The following SMARCAL1 variants were observed in gnomAD, a reference collection of about 807,000 sequenced individuals.
SMARCAL1 encodes the protein SNF2 related chromatin remodeling annealing helicase 1, also known as ATP-driven annealing helicase.
A neutral mutation model predicts 94.5 loss-of-function variants in SMARCAL1; 58 were observed. That is an observed-to-expected ratio of 0.61 (90% CI 0.50 to 0.76). The LOEUF is 0.76. Ranked by LOEUF, SMARCAL1 falls within the 30% of genes least tolerant of loss-of-function variation. The probability of loss-of-function intolerance (pLI) is 0.00; values close to 1 mark genes in which losing one functional copy is unlikely to be tolerated. For missense variants in SMARCAL1, 1,051 were observed against 1,177.9 expected (o/e 0.89, Z 1.58); for synonymous variants, 422 against 455.1 (o/e 0.93, Z 0.93).
At position 216,415,521 on chromosome 2, in the gene SMARCAL1, G is replaced by C; in HGVS notation, c.811+6G>C. ...CCTGCCCAGCAAGAATTATGGTAAT[G>C]TCTTCATTTTTCAGCTGTTTTTTTT... On this transcript the variant is annotated splice_donor_region_variant and intron_variant, in intron 3 of 17. Transcript: ENST00000357276. 1 of 1,563,718 alleles carries C rather than the reference G, an allele frequency of 6.4e-7. No homozygotes were observed. Among genetic ancestry groups the C allele is most frequent in the South Asian group, 1.1e-5 (1 of 88,426 alleles).
At position 216,414,008 on chromosome 2, in the gene SMARCAL1, A is replaced by G. The variant is rs565612556; in HGVS notation, c.-59+116A>G. The G allele has an allele frequency of 2.0e-5, 3 of 152,340 alleles. No homozygotes were observed. In the South Asian group the frequency reaches 6.2e-4, roughly 32 times the overall value. The allele number at this position is 152,340 out of a possible 1,614,324, so 9.4% of individuals were successfully genotyped here. A position where few individuals can be genotyped will look rare whatever the true frequency, so the allele number is the denominator to read the frequency against. ...CAATGCATAACTTTCTTAGGTTCTGATAACTCACCTTGGCTGGGCCATGTG... is the reference window on the plus strand; with the variant it reads ...CAATGCATAACTTTCTTAGGTTCTGGTAACTCACCTTGGCTGGGCCATGTG... On this transcript the variant is annotated intron_variant, in intron 2 of 17. Coordinates refer to ENST00000357276, the MANE Select transcript of SMARCAL1 (RefSeq NM_014140.4).
chr2:216,450,700 G>T, intron 11 of SMARCAL1, 146 bp from the exon 12 acceptor site: 4 of 632,698 alleles, frequency 6.3e-6, no homozygotes, highest in South Asian at 1.8e-5. Context: ...TTTATTGGGG[G>T]TTTATTTGTC....
chr2:216,450,996 C>A lies in SMARCAL1; in HGVS notation c.2002C>A (p.Arg668=), dbSNP rs189863563. The change falls in exon 12 of 18, where the codon CGG becomes AGG. Residue 668 remains arginine (R), a synonymous_variant. Coordinates refer to ENST00000357276, the MANE Select transcript of SMARCAL1 (RefSeq NM_014140.4). ...CAAGATAGTGGTGATTGCCCCAGGACGGATCAATGCCAGGACCAGAGCTGC... is the reference window on the plus strand; with the variant it reads ...CAAGATAGTGGTGATTGCCCCAGGAAGGATCAATGCCAGGACCAGAGCTGC... ...QRKIVVIAPG[R]INARTRAALD... is the part of the protein sequence containing the mutation. 6.2e-7 allele frequency: 1 copy of A among 1,614,182 alleles called. No individual in the cohort carries two copies. The highest frequency in any genetic ancestry group is 2.2e-5 in the East Asian group (1 of 44,886).
At position 216,464,682 on chromosome 2, in the gene SMARCAL1, A is replaced by T; in HGVS notation, c.2141+15A>T. On this transcript the variant is annotated intron_variant, in intron 13 of 17. Transcript: ENST00000357276. ...CCATCTGTCATGTAAGTGGTCACTAAGTGTCGACCTCTCTCTCTCTCATCT... is the reference window on the plus strand; with the variant it reads ...CCATCTGTCATGTAAGTGGTCACTATGTGTCGACCTCTCTCTCTCTCATCT... 6.5e-7 allele frequency: 1 copy of T among 1,531,656 alleles called. No homozygotes were observed. 94.9% of individuals were successfully genotyped at this position (1,531,656 alleles called of 1,614,324 possible).
chr2:216,443,703 C>T (rs771683790), intron 10 of SMARCAL1, among the ~76,000 whole-genome samples: 1 of 152,180 alleles, frequency 6.6e-6, no homozygotes, highest in Non-Finnish European at 1.5e-5. Flanking sequence ...GTGAAATAAG[C>T]TGACCTAACC....
chr2:216,458,395 AC>A (rs1407941242), intron 12 of SMARCAL1, among the ~76,000 whole-genome samples: 3 of 152,226 alleles, frequency 2.0e-5, no homozygotes, highest in Admixed American at 2.0e-4. Context: ...AGAATTTTAG[AC>A]CAATATCCCT....
At chr2:216,435,550 G>C (rs1340742024) in intron 9 of SMARCAL1, 54 bp downstream of exon 9, 1 of 1,511,882 alleles carries the variant, frequency 6.6e-7, no homozygotes, top group Admixed American at 1.7e-5. Flanking sequence ...AACTTTCTTT[G>C]TAAAAGCTCT....
chr2:216,434,704 G>C (rs143674638), intron 8 of SMARCAL1, among the ~76,000 whole-genome samples: 21 of 152,064 alleles, frequency 1.4e-4, no homozygotes, highest in Middle Eastern at 3.4e-3. Context: ...AATTAGCCAA[G>C]TATGGTGGTG....
At chr2:216,471,437 A>C (rs1574481605) in intron 14 of SMARCAL1, among the ~76,000 whole-genome samples, 1 of 151,940 alleles carries the variant, frequency 6.6e-6, no homozygotes, top group East Asian at 1.9e-4. Flanking sequence ...GCTGACTGCA[A>C]CCTTCGCCTC....
At chr2:216,443,322 A>G (rs1404362582) in intron 10 of SMARCAL1, among the ~76,000 whole-genome samples, 5 of 131,886 alleles carry the variant, frequency 3.8e-5, no homozygotes, top group Non-Finnish European at 7.7e-5. Context: ...AGCCGAGATC[A>G]TGTCACTGCA....
chr2:216,446,893 G>A (rs1055087053), intron 10 of SMARCAL1, 125 bp from the exon 11 acceptor site: 1 of 1,062,940 alleles, frequency 9.4e-7, no homozygotes, highest in Admixed American at 2.0e-5. Flanking sequence ...AATGCCATTA[G>A]GTTCTCGCGA....
chr2:216,439,907 C>T (rs1694161311), intron 10 of SMARCAL1, among the ~76,000 whole-genome samples: 1 of 152,014 alleles, frequency 6.6e-6, no homozygotes, highest in African/African-American at 2.4e-5. Context: ...ACTAAAAATA[C>T]AAAAATGAGC....
intron 8 of SMARCAL1, 89 bp downstream of exon 8, chr2:216,432,957 G>C (rs1693999509): frequency 1.5e-5 from 22 of 1,499,784 alleles, no homozygotes; most frequent in Admixed American, 8.4e-5. Flanking sequence ...AGGGCCTAGG[G>C]ATCTTTAAGG....
At chr2:216,436,782 A>G (rs531167947) in intron 9 of SMARCAL1, among the ~76,000 whole-genome samples, 1 of 152,342 alleles carries the variant, frequency 6.6e-6, no homozygotes, top group East Asian at 1.9e-4. Context: ...ACATATAATC[A>G]TCTATTTTCC....
intron 7 of SMARCAL1, 148 bp downstream of exon 7, chr2:216,428,930 T>C (rs1693899908): frequency 1.3e-6 from 1 of 757,244 alleles, no homozygotes; most frequent in South Asian, 1.5e-5. Context: ...AACAGCCAGG[T>C]GTGCTGTTAC....
chr2:216,436,668 A>G (rs959059426), intron 9 of SMARCAL1, among the ~76,000 whole-genome samples: 1 of 152,240 alleles, frequency 6.6e-6, no homozygotes, highest in African/African-American at 2.4e-5. Context: ...TACATGTGAA[A>G]TGAAAACATT....
intron 4 of SMARCAL1, among the ~76,000 whole-genome samples, chr2:216,419,448 G>A (rs1032483618): frequency 3.3e-5 from 5 of 152,064 alleles, no homozygotes; most frequent in Non-Finnish European, 7.4e-5. Flanking sequence ...TCTGTTGACA[G>A]CTTAGTGTTA....
In SMARCAL1 at chr2:216,475,841, GGAAGGTT is replaced by G. The variant is rs1695064197; in HGVS notation, c.2427+395_2427+401del. The stretch of plus-strand genomic sequence containing the variant: ...GATTATCGACTCCATTTTATCAACG[GGAAGGTT>G]GAAGTCTTCCAGGGCTAGAAGGAAT... On this transcript the variant is annotated intron_variant, in intron 15 of 17. Transcript: ENST00000357276. The surrounding 1 kb of genome is among the most constrained non-coding windows in gnomAD (Gnocchi z 4.4). Among the ~76,000 whole-genome samples, 1 of 152,034 alleles carries G rather than the reference GGAAGGTT, an allele frequency of 6.6e-6. No homozygotes were observed. Among genetic ancestry groups the G allele is most frequent in the South Asian group, 2.1e-4 (1 of 4,804 alleles).
At chr2:216,460,767 A>G (rs957159727) in intron 12 of SMARCAL1, among the ~76,000 whole-genome samples, 1 of 151,992 alleles carries the variant, frequency 6.6e-6, no homozygotes, top group Admixed American at 6.6e-5. Flanking sequence ...GCACACCAAC[A>G]TGGCACATGT....
Sources: gnomAD v4.1 joint callset for allele counts (sites outside exome capture counted in the v4.1 genomes callset) on GRCh38, gnomAD v4.1.1 for gene constraint, Gnocchi (gnomAD v3.1) non-coding constraint, MANE v1.5 for transcripts, NCBI Gene and HGNC (gene_info 2026-07-23, HGNC 2026-07-21) for gene names.